STK40: variants seen among roughly 807,000 people sequenced by gnomAD.
STK40 encodes the protein serine/threonine-protein kinase 40.
A neutral mutation model predicts 47.9 loss-of-function variants in STK40; 13 were observed. The observed-to-expected ratio is 0.27, with a 90% CI of 0.18 to 0.43. The LOEUF (loss-of-function observed/expected upper bound fraction) is 0.43. Among genes scored for constraint, STK40 ranks in the 20% least tolerant of loss-of-function variants. STK40 has a pLI of 1.00. For missense variants in STK40, 460 were observed against 595.1 expected (o/e 0.77, Z 2.36); for synonymous variants, 225 against 243.2 (o/e 0.93, Z 0.69).
intron 7 of STK40, among the ~76,000 whole-genome samples, chr1:36,345,981 A>ATT: frequency 9.7e-5 from 1 of 10,266 alleles, no homozygotes; most frequent in African/African-American, 2.1e-4. Context: ...ATATATATAT[A>ATT]TATATATATA....
chr1:36,345,517 T>C (rs1646691550), intron 7 of STK40, among the ~76,000 whole-genome samples: 1 of 152,114 alleles, frequency 6.6e-6, no homozygotes, highest in Non-Finnish European at 1.5e-5. Flanking sequence ...GGCTGTGTCA[T>C]CCTAGGCTCT....
intron 1 of STK40, among the ~76,000 whole-genome samples, chr1:36,370,952 C>T (rs1646940967): frequency 6.6e-6 from 1 of 151,536 alleles, no homozygotes; most frequent in African/African-American, 2.4e-5. Context: ...TGTCGGCTCA[C>T]TGCAACCTCC....
intron 6 of STK40, among the ~76,000 whole-genome samples, chr1:36,351,397 G>A (rs1646751459): frequency 6.6e-6 from 1 of 152,116 alleles, no homozygotes; most frequent in African/African-American, 2.4e-5. Flanking sequence ...GAAGGGGCTG[G>A]AGTGGGCTGG....
chr1:36,371,374 G>GA (rs1328758609), intron 1 of STK40, among the ~76,000 whole-genome samples: 1 of 150,764 alleles, frequency 6.6e-6, no homozygotes, highest in Admixed American at 6.6e-5. Flanking sequence ...CTAACATGGT[G>GA]AAACCCCGCT....
chr1:36,357,286 G>A (rs947202081), intron 4 of STK40, among the ~76,000 whole-genome samples: 1 of 152,248 alleles, frequency 6.6e-6, no homozygotes, highest in Non-Finnish European at 1.5e-5. Context: ...GCATCAAAAT[G>A]TGACTGCTCT....
At position 36,366,991 on chromosome 1, in the gene STK40, C is replaced by T. The variant is rs1440336138; in HGVS notation, c.-8-5651G>A. Among the ~76,000 whole-genome samples the T allele has an allele frequency of 2.0e-5, 3 of 150,776 alleles. No individual in the cohort carries two copies. In the South Asian group the frequency reaches 6.2e-4, roughly 31 times the overall value. Reference sequence around the variant, plus strand: ...CTGAGATTACAGGCATCTACCACCACACCCAGCTAATTTTTTTTTTTTTTT... The same window carrying T: ...CTGAGATTACAGGCATCTACCACCATACCCAGCTAATTTTTTTTTTTTTTT... On this transcript the variant is annotated intron_variant, in intron 1 of 10. Transcript: ENST00000373132.
chr1:36,382,391 C>T (rs1464381256), intron 1 of STK40, among the ~76,000 whole-genome samples: 1 of 152,096 alleles, frequency 6.6e-6, no homozygotes, highest in East Asian at 1.9e-4. Flanking sequence ...GTTGCCCAGA[C>T]TGGTCTTGAA....
In STK40 at chr1:36,341,381, G is replaced by C. The variant is rs1356009515; in HGVS notation, c.*374C>G. On this transcript the variant is annotated 3_prime_UTR_variant, in exon 11 of 11. Coordinates refer to ENST00000373132, the MANE Select transcript of STK40 (RefSeq NM_001282547.2). ...ACTTTCAGCTTATTTGGACTGTGGG[G>C]AGCAGCGCCCCAGGTCAGTTGGTGG... The C allele has an allele frequency of 9.3e-6, 2 of 214,674 alleles. No homozygotes were observed. Among genetic ancestry groups the C allele is most frequent in the Non-Finnish European group, 1.9e-5 (2 of 104,056 alleles). The allele number at this position is 214,674 out of a possible 1,614,324, so 13.3% of individuals were successfully genotyped here. A position where few individuals can be genotyped will look rare whatever the true frequency, so the allele number is the denominator to read the frequency against.
intron 1 of STK40, among the ~76,000 whole-genome samples, chr1:36,380,685 G>A (rs761790736): frequency 3.3e-5 from 5 of 152,210 alleles, no homozygotes; most frequent in Non-Finnish European, 7.3e-5. Context: ...TGCTCTTAGG[G>A]CTATTGGAAG....
chr1:36,358,133 C>T (rs1646820566), intron 4 of STK40, 106 bp downstream of exon 4: 2 of 1,365,632 alleles, frequency 1.5e-6, no homozygotes, highest in East Asian at 5.0e-5. Context: ...ATGGCAGGGA[C>T]ACCCAAGGGT....
chr1:36,349,441 G>C (rs1166241172), intron 6 of STK40, among the ~76,000 whole-genome samples: 1 of 152,210 alleles, frequency 6.6e-6, no homozygotes, highest in Non-Finnish European at 1.5e-5. Flanking sequence ...ACTTGGCCAA[G>C]GTCATGCAGC....
chr1:36,349,023 A>T (rs1646728731), intron 6 of STK40, among the ~76,000 whole-genome samples: 1 of 152,202 alleles, frequency 6.6e-6, no homozygotes, highest in Admixed American at 6.5e-5. Flanking sequence ...CCACCAGCCG[A>T]GCTGTCCCAG....
rs1394668388 is a variant in STK40 at position 36,341,563 on chromosome 1, G to A, written c.*192C>T. On this transcript the variant is annotated 3_prime_UTR_variant, in exon 11 of 11. Transcript: ENST00000373132. ...TCTCAGATTTAAAAACCAAACAATC[G>A]AGCAATCATCCCAAAAGGTAGCTTC... is the stretch of plus-strand genomic sequence containing the variant. 6 of 617,854 alleles carry A rather than the reference G, an allele frequency of 9.7e-6. No individual in the cohort carries two copies. Among genetic ancestry groups the A allele is most frequent in the Admixed American group, 3.0e-5 (1 of 33,410 alleles). The allele number at this position is 617,854 out of a possible 1,614,324, so 38.3% of individuals were successfully genotyped here.
intron 4 of STK40, among the ~76,000 whole-genome samples, chr1:36,357,822 G>A (rs904169442): frequency 1.3e-5 from 2 of 152,104 alleles, no homozygotes; most frequent in East Asian, 1.9e-4. Flanking sequence ...TCACCTTGTT[G>A]GCCAGGATGG....
At chr1:36,343,537 T>C in intron 9 of STK40, 89 bp from the exon 10 acceptor site, 1 of 1,277,768 alleles carries the variant, frequency 7.8e-7, no homozygotes, top group Non-Finnish European at 1.1e-6. Context: ...ACCTGGGTTG[T>C]GTTCCTGCCA....
Position 36,385,876 on chromosome 1 carries a change from G to A in STK40, c.-162C>T, listed in dbSNP as rs1436514428. 1.7e-5 allele frequency: 3 copies of A among 177,894 alleles called. No homozygotes were observed. The highest frequency in any genetic ancestry group is 2.4e-5 in the African/African-American group (1 of 41,604). The allele number at this position is 177,894 out of a possible 1,614,324, so 11.0% of individuals were successfully genotyped here. A position where few individuals can be genotyped will look rare whatever the true frequency, so the allele number is the denominator to read the frequency against. ...AGCCACCCGAGCCGCCGCCGCCGCCGCCGCCGCCTCCCTCCATGGCTGCGG... is the reference window on the plus strand; with the variant it reads ...AGCCACCCGAGCCGCCGCCGCCGCCACCGCCGCCTCCCTCCATGGCTGCGG... On this transcript the variant is annotated 5_prime_UTR_variant, in exon 1 of 11. Coordinates refer to ENST00000373132, the MANE Select transcript of STK40 (RefSeq NM_001282547.2).
chr1:36,366,052 G>T (rs1646898968), intron 1 of STK40: 1 of 152,228 alleles, frequency 6.6e-6, no homozygotes, highest in East Asian at 1.9e-4. Flanking sequence ...CCAATAGTAA[G>T]TTGGTATCAC....
At chr1:36,356,409 CTTCTTTTTCTTTTT>C (rs1370310419) in intron 4 of STK40, among the ~76,000 whole-genome samples, 1 of 142,456 alleles carries the variant, frequency 7.0e-6, no homozygotes, top group Non-Finnish European at 1.5e-5. Context: ...ATCCACATTT[CTTCTTTTTCTTTTT>C]TTTTTTTTTT....
chr1:36,340,773 G>A lies in STK40; in HGVS notation c.*982C>T, dbSNP rs994795673. The A allele has an allele frequency of 6.6e-6, 1 of 152,332 alleles. No homozygotes were observed. The highest frequency in any genetic ancestry group is 1.5e-5 in the Non-Finnish European group (1 of 68,102). 9.4% of individuals were successfully genotyped at this position (152,332 alleles called of 1,614,324 possible). A position where few individuals can be genotyped will look rare whatever the true frequency, so the allele number is the denominator to read the frequency against. ...ACATCTATTATGAGGCAAGGGCACT[G>A]GGATATGTTCCCACCATCCCCTAAA... is the stretch of plus-strand genomic sequence containing the variant. On this transcript the variant is annotated 3_prime_UTR_variant, in exon 11 of 11. Transcript: ENST00000373132.
Sources: gnomAD v4.1 joint callset for allele counts (sites outside exome capture counted in the v4.1 genomes callset) on GRCh38, gnomAD v4.1.1 for gene constraint, MANE v1.5 for transcripts, NCBI Gene and HGNC (gene_info 2026-07-23, HGNC 2026-07-21) for gene names.